Variants in MARCHF8 observed in about 807,000 individuals in gnomAD.
MARCHF8 encodes the protein E3 ubiquitin-protein ligase MARCHF8.
MARCHF8 carries 40 observed loss-of-function variants against 51.6 expected under a neutral mutation model. The ratio of observed to expected loss-of-function variants is 0.77; its 90% confidence interval spans 0.60 to 1.01. The LOEUF is 1.01. Among genes scored for constraint, MARCHF8 ranks in the 50% least tolerant of loss-of-function variants. MARCHF8 has a pLI of 0.00. For synonymous variants in MARCHF8, 263 were observed against 280.3 expected, an observed-to-expected ratio of 0.94 and a Z score of 0.62; for missense variants, 685 against 708.6, an observed-to-expected ratio of 0.97 and a Z score of 0.38.
intron 1 of MARCHF8, among the ~76,000 whole-genome samples, chr10:45,556,424 T>C (rs192532003): frequency 1.6e-4 from 25 of 152,204 alleles, no homozygotes; most frequent in African/African-American, 5.8e-4. Context: ...CCCCCAAAAA[T>C]GGACTGGGAG....
intron 3 of MARCHF8, among the ~76,000 whole-genome samples, chr10:45,476,269 A>G (rs1382270275): frequency 1.3e-5 from 2 of 152,254 alleles, no homozygotes; most frequent in Admixed American, 6.5e-5. Context: ...TAATGATATT[A>G]AAACTCAGTG....
intron 1 of MARCHF8, among the ~76,000 whole-genome samples, chr10:45,573,851 T>C (rs749989591): frequency 1.3e-5 from 2 of 152,202 alleles, no homozygotes; most frequent in Non-Finnish European, 2.9e-5. Flanking sequence ...TTGTGGGTAT[T>C]GAAGACCACG....
intron 1 of MARCHF8, among the ~76,000 whole-genome samples, chr10:45,567,850 T>A (rs2044382387): frequency 6.6e-6 from 1 of 152,242 alleles, no homozygotes; most frequent in South Asian, 2.1e-4. Flanking sequence ...AGGGTTTGCA[T>A]TTAATCTGTA....
At chr10:45,504,634 T>C (rs1250756879) in intron 2 of MARCHF8, among the ~76,000 whole-genome samples, 1 of 152,180 alleles carries the variant, frequency 6.6e-6, no homozygotes, top group East Asian at 1.9e-4. Context: ...ACTCAGAATC[T>C]AACAACAAAA....
In MARCHF8 at chr10:45,570,495, A is replaced by T. The variant is rs1281011284; in HGVS notation, c.-79+23740T>A. 2.6e-5 allele frequency among the ~76,000 whole-genome samples: 4 copies of T among 152,196 alleles called. No individual in the cohort carries two copies. In the East Asian group the frequency reaches 7.7e-4, roughly 29 times the overall value. On this transcript the variant is annotated intron_variant, in intron 1 of 6. Transcript: ENST00000319836. ...AGAAAGAAACTTCCTCTATCATATA[A>T]ACCTTCAGCAAATAATGAAATTCTG...
At chr10:45,585,309 T>C (rs576546516) in intron 1 of MARCHF8, among the ~76,000 whole-genome samples, 53 of 152,124 alleles carry the variant, frequency 3.5e-4, no homozygotes, top group Non-Finnish European at 5.9e-4. Context: ...CCACTGCTCA[T>C]GATAGAAAAA....
At chr10:45,494,414 A>T (rs1379702638) in intron 2 of MARCHF8, among the ~76,000 whole-genome samples, 1 of 151,988 alleles carries the variant, frequency 6.6e-6, no homozygotes, top group Non-Finnish European at 1.5e-5. Flanking sequence ...TTTTCCTGAA[A>T]CTCTGACCAG....
chr10:45,542,001 T>A (rs972338010), intron 1 of MARCHF8, among the ~76,000 whole-genome samples: 1 of 152,140 alleles, frequency 6.6e-6, no homozygotes, highest in African/African-American at 2.4e-5. Context: ...AAAATTAAAA[T>A]TTTTTAAAAA....
chr10:45,591,531 G>A (rs1447366841), intron 1 of MARCHF8, among the ~76,000 whole-genome samples: 2 of 151,924 alleles, frequency 1.3e-5, no homozygotes, highest in African/African-American at 2.4e-5. Context: ...CAGCATGCTG[G>A]TTACCTTTGA....
chr10:45,552,430 T>A (rs757789387), intron 1 of MARCHF8, among the ~76,000 whole-genome samples: 1 of 151,802 alleles, frequency 6.6e-6, no homozygotes, highest in African/African-American at 2.4e-5. Context: ...AGCAAAAAAA[T>A]GTTTTAGTCA....
chr10:45,464,385 TG>T (rs1393774948), intron 3 of MARCHF8, 58 bp from the exon 4 acceptor site: 1 of 1,406,946 alleles, frequency 7.1e-7, no homozygotes, highest in Non-Finnish European at 1.0e-6. Context: ...TTGTGTGCAC[TG>T]TCTCCTGAAT....
chr10:45,527,376 A>C (rs1444647951), intron 2 of MARCHF8, among the ~76,000 whole-genome samples: 2 of 152,190 alleles, frequency 1.3e-5, no homozygotes, highest in Admixed American at 6.5e-5. Context: ...TACTAGCTAC[A>C]TTAACCAAGA....
At chr10:45,499,956 T>G (rs1414895237) in intron 2 of MARCHF8, among the ~76,000 whole-genome samples, 1 of 152,240 alleles carries the variant, frequency 6.6e-6, no homozygotes, top group Non-Finnish European at 1.5e-5. Flanking sequence ...CAGATTTATC[T>G]ATTTCTGTAA....
In MARCHF8 at chr10:45,554,884, G is replaced by A. The variant is rs376316160; in HGVS notation, c.-78-21595C>T. ...AGCCTGGCCGATGTGATAAAACCCC[G>A]TCTCTACTAAAAATACAAAAATTAG... is the stretch of plus-strand genomic sequence containing the variant. On this transcript the variant is annotated intron_variant, in intron 1 of 6. Coordinates refer to the MARCHF8 transcript ENST00000319836. Among the ~76,000 whole-genome samples the A allele has an allele frequency of 1.2e-4, 18 of 151,998 alleles. No individual in the cohort carries two copies. In the South Asian group the frequency reaches 1.2e-3, roughly 11 times the overall value.
intron 2 of MARCHF8, among the ~76,000 whole-genome samples, chr10:45,515,782 T>A (rs2043608673): frequency 6.6e-6 from 1 of 152,204 alleles, no homozygotes; most frequent in Non-Finnish European, 1.5e-5. Context: ...CCCTTCCTCT[T>A]CCAGCTATTG....
At chr10:45,517,547 G>A (rs756022975) in intron 2 of MARCHF8, among the ~76,000 whole-genome samples, 5 of 152,148 alleles carry the variant, frequency 3.3e-5, no homozygotes, top group Admixed American at 6.5e-5. Context: ...CGCCATATGA[G>A]ACAACACTCT....
intron 1 of MARCHF8, 89 bp from the exon 2 acceptor site, chr10:45,533,378 AT>A (rs113286525): frequency 0.017 from 12,917 of 745,624 alleles, 172 homozygotes; most frequent in African/African-American, 0.055. Context: ...ACTTATATTC[AT>A]ATGTATATTT....
chr10:45,535,807 C>T (rs1475876667), upstream of MARCHF8, among the ~76,000 whole-genome samples: 5 of 152,224 alleles, frequency 3.3e-5, no homozygotes, highest in Admixed American at 6.5e-5. Flanking sequence ...CTATGCCTCA[C>T]AATCCAGGCA....
intron 1 of MARCHF8, among the ~76,000 whole-genome samples, chr10:45,588,016 C>G (rs372949923): frequency 3.9e-5 from 6 of 152,068 alleles, no homozygotes; most frequent in African/African-American, 1.4e-4. Context: ...ACCAAACACC[C>G]TATCAACCCC....
Sources: allele counts gnomAD v4.1 joint callset (sites outside exome capture counted in the v4.1 genomes callset), GRCh38; gene constraint gnomAD v4.1.1; transcripts MANE v1.5; gene names NCBI Gene and HGNC (gene_info 2026-07-23, HGNC 2026-07-21).